MORC3: variants seen among roughly 807,000 people sequenced by gnomAD.
MORC3 encodes MORC family CW-type zinc finger 3.
Under a neutral mutation model 109.1 loss-of-function variants are expected in MORC3, and 31 were observed. The observed-to-expected ratio is 0.28, with a 90% CI of 0.21 to 0.38. The LOEUF (loss-of-function observed/expected upper bound fraction) is 0.38. Among genes scored for constraint, MORC3 ranks in the 10% least tolerant of loss-of-function variants. MORC3 has a pLI of 1.00. For missense variants in MORC3, 867 were observed against 1,135.8 expected (o/e 0.76, Z 3.40); for synonymous variants, 395 against 380.7 (o/e 1.04, Z -0.44).
chr21:36,333,975 G>C (rs532113093), intron 2 of MORC3, among the ~76,000 whole-genome samples: 70 of 151,908 alleles, frequency 4.6e-4, no homozygotes, highest in African/African-American at 1.5e-3. Flanking sequence ...TTTTAGTAGA[G>C]ACGGGGTTTC....
At position 36,320,262 on chromosome 21, in the gene MORC3, A is replaced by C. The variant is rs2085174448; in HGVS notation, c.-3A>C. 6.3e-7 allele frequency: 1 copy of C among 1,580,998 alleles called. No homozygotes were observed. Among genetic ancestry groups the C allele is most frequent in the Non-Finnish European group, 8.6e-7 (1 of 1,165,246 alleles). On this transcript the variant is annotated 5_prime_UTR_variant, in exon 1 of 17. Transcript: ENST00000400485. ...CCGTTCCTGGCTTTGTAGCTCGCTCAAGATGGCGGCGCAGCCACCCCGCGG... is the reference window on the plus strand; with the variant it reads ...CCGTTCCTGGCTTTGTAGCTCGCTCCAGATGGCGGCGCAGCCACCCCGCGG...
rs1379029204 is a variant in MORC3, at chr21:36,344,923, G to A, written c.897G>A (p.Val299=). 13 of 1,611,540 alleles carry A rather than the reference G, an allele frequency of 8.1e-6. No individual in the cohort carries two copies. The highest frequency in any genetic ancestry group is 1.1e-5 in the Non-Finnish European group (13 of 1,179,290). Residue 299 remains valine (V), a synonymous_variant, in exon 8 of 17, where the codon GTG becomes GTA. Transcript: ENST00000400485. ...CTTAATATTTTAAGTCTAAAACAGT[G>A]AGAATTACCTTTGGATTCAACTGCA... is the stretch of plus-strand genomic sequence containing the variant. ...VYRPKFLSKT[V]RITFGFNCRN...
chr21:36,328,963 CA>C (rs201067801), intron 1 of MORC3, among the ~76,000 whole-genome samples: 3,733 of 146,222 alleles, frequency 0.026, 66 homozygotes, highest in Admixed American at 0.048. Flanking sequence ...ACAACAACAA[CA>C]AAAAAAATCA....
At chr21:36,328,555 G>T (rs1485167964) in intron 1 of MORC3, among the ~76,000 whole-genome samples, 1 of 152,106 alleles carries the variant, frequency 6.6e-6, no homozygotes, top group Non-Finnish European at 1.5e-5. Context: ...TGGCCAGGCT[G>T]GTCTTGAACT....
chr21:36,369,601 C>T lies in MORC3; in HGVS notation c.2233C>T (p.His745Tyr), dbSNP rs765486108. The T allele has an allele frequency of 1.2e-6, 2 of 1,614,158 alleles. No homozygotes were observed. The highest frequency in any genetic ancestry group is 2.2e-5 in the South Asian group (2 of 91,064). ...CAAGTATGTTAAGAAAGAAACTTGC[C>T]ATCAGTCCACTGAAACCGATGCTGT... ...NDKYVKKETC[H>Y]QSTETDAVFL... The change falls in exon 15 of 17, where the codon CAT (histidine) becomes TAT (tyrosine). Residue 745 changes from histidine (H) to tyrosine (Y), a missense_variant. His to Tyr is a moderately conservative substitution (Grantham distance 83, BLOSUM62 2). Coordinates refer to ENST00000400485, the MANE Select transcript of MORC3 (RefSeq NM_015358.3).
Position 36,344,971 on chromosome 21 carries a change from A to C in MORC3, c.945A>C (p.Ile315=). The C allele has an allele frequency of 6.2e-7, 1 of 1,612,110 alleles. No individual in the cohort carries two copies. Among genetic ancestry groups the C allele is most frequent in the Non-Finnish European group, 8.5e-7 (1 of 1,178,924 alleles). ...FNCRNKDHYG[I]MMYHRNRLIK... is the part of the protein sequence containing the mutation. ...GCAGAAATAAAGATCATTATGGGAT[A>C]ATGATGTATCACAGAAATAGACTCA... The change falls in exon 8 of 17, where the codon ATA becomes ATC. Residue 315 remains isoleucine (I), a synonymous_variant. Coordinates refer to ENST00000400485, the MANE Select transcript of MORC3 (RefSeq NM_015358.3).
intron 1 of MORC3, among the ~76,000 whole-genome samples, chr21:36,333,117 A>G (rs964100774): frequency 6.6e-6 from 1 of 152,168 alleles, no homozygotes; most frequent in African/African-American, 2.4e-5. Context: ...GAATTCTTTG[A>G]AGAGTTTGTA....
rs919577926 is a variant in MORC3, at chr21:36,328,339, C to T, written c.40-5307C>T. Among the ~76,000 whole-genome samples, 27 of 148,970 alleles carry T rather than the reference C, an allele frequency of 1.8e-4. 1 individual carries two copies. Among genetic ancestry groups the T allele is most frequent in the South Asian group, 1.3e-3 (6 of 4,720 alleles). On this transcript the variant is annotated intron_variant, in intron 1 of 16. Transcript: ENST00000400485. ...TTATTTATAATAATAAGCCCCCCCC[C>T]GCCTTTTTTTTTTTTTTTTTTAACC...
intron 9 of MORC3, among the ~76,000 whole-genome samples, chr21:36,350,581 AC>A (rs1463474490): frequency 1.3e-5 from 2 of 151,514 alleles, no homozygotes; most frequent in East Asian, 3.9e-4. Context: ...CTTTGGTAGG[AC>A]TAATAAAGTC....
intron 8 of MORC3, among the ~76,000 whole-genome samples, chr21:36,345,856 T>G (rs1414545468): frequency 1.3e-5 from 2 of 151,552 alleles, no homozygotes; most frequent in African/African-American, 4.9e-5. Context: ...CGCGCCCGGC[T>G]TTATTTTTAT....
intron 4 of MORC3, 147 bp downstream of exon 4, chr21:36,338,093 C>A: frequency 1.3e-6 from 1 of 785,654 alleles, no homozygotes; most frequent in Non-Finnish European, 2.0e-6. Context: ...TACCCTACAC[C>A]TGAGGCTAAG....
chr21:36,347,723 C>T (rs2085525558), intron 8 of MORC3: 1 of 152,172 alleles, frequency 6.6e-6, no homozygotes, highest in Admixed American at 6.5e-5. Context: ...TGAAATGAGT[C>T]TCAGTTGATT....
chr21:36,326,879 G>A (rs1449405678), intron 1 of MORC3, among the ~76,000 whole-genome samples: 1 of 151,250 alleles, frequency 6.6e-6, no homozygotes. Flanking sequence ...GCATTGGTGC[G>A]ATCTCGGCTC....
At chr21:36,321,995 G>A (rs2085199628) in intron 1 of MORC3, among the ~76,000 whole-genome samples, 1 of 152,122 alleles carries the variant, frequency 6.6e-6, no homozygotes, top group Admixed American at 6.6e-5. Flanking sequence ...GGTAATATGG[G>A]CTGTTGGGAA....
chr21:36,341,648 T>C (rs913933178), intron 6 of MORC3, 102 bp downstream of exon 6: 9 of 1,482,004 alleles, frequency 6.1e-6, no homozygotes, highest in African/African-American at 5.7e-5. Context: ...CTGCCAGTGC[T>C]CTCTAAATGA....
At chr21:36,372,714 T>C (rs1475441858) in intron 16 of MORC3, among the ~76,000 whole-genome samples, 183 bp downstream of exon 16, 3 of 152,226 alleles carry the variant, frequency 2.0e-5, no homozygotes, top group Non-Finnish European at 4.4e-5. Context: ...CCTTTCCAGT[T>C]TCTGACCCTT....
chr21:36,334,852 G>A (rs1050160137), intron 2 of MORC3, among the ~76,000 whole-genome samples: 2 of 152,038 alleles, frequency 1.3e-5, no homozygotes, highest in African/African-American at 4.8e-5. Context: ...GCATAGGCTG[G>A]GCACACAGTT....
rs1219976693 is a variant in MORC3 at position 36,323,257 on chromosome 21, C to T, written c.39+2954C>T. On this transcript the variant is annotated intron_variant, in intron 1 of 16. Coordinates refer to ENST00000400485, the MANE Select transcript of MORC3 (RefSeq NM_015358.3). ...GTCTGATATGTAGCTTAGTGACTGC[C>T]ATTCTGAAGCCTACTCTCTCGGGTT... 2.0e-5 allele frequency among the ~76,000 whole-genome samples: 3 copies of T among 152,100 alleles called. No homozygotes were observed. In the East Asian group the frequency reaches 5.8e-4, roughly 29 times the overall value.
chr21:36,320,615 C>T (rs1053323465), intron 1 of MORC3: 1 of 287,590 alleles, frequency 3.5e-6, no homozygotes, highest in East Asian at 5.8e-5. Context: ...GGCGGGAGAT[C>T]GGTCTGCTCT....
Sources: gnomAD v4.1 joint callset for allele counts (sites outside exome capture counted in the v4.1 genomes callset) on GRCh38, gnomAD v4.1.1 for gene constraint, MANE v1.5 for transcripts, NCBI Gene and HGNC (gene_info 2026-07-23, HGNC 2026-07-21) for gene names.